ADGRL3: variants seen among roughly 807,000 people sequenced by gnomAD.
ADGRL3 encodes the protein calcium-independent alpha-latrotoxin receptor 3.
In ADGRL3, 62 loss-of-function variants were observed where a neutral mutation model predicts 153.5. The observed-to-expected ratio is 0.40, with a 90% confidence interval of 0.33 to 0.50. The LOEUF (loss-of-function observed/expected upper bound fraction) is 0.50. Ranked by LOEUF, ADGRL3 falls within the 20% of genes least tolerant of loss-of-function variation. The probability of loss-of-function intolerance (pLI) is 0.47; values close to 1 mark genes in which losing one functional copy is unlikely to be tolerated. For synonymous variants in ADGRL3, 710 were observed against 672.5 expected (o/e 1.06, Z -0.86); for missense variants, 1,641 against 1,859.4 (o/e 0.88, Z 2.16).
At chr4:61,231,556 T>C (rs1750656744) in intron 1 of ADGRL3, among the ~76,000 whole-genome samples, 1 of 152,140 alleles carries the variant, frequency 6.6e-6, no homozygotes, top group Non-Finnish European at 1.5e-5. Context: ...CCTGGCTGTT[T>C]CAAACTTTTC....
At chr4:61,324,667 C>T (rs1214265944) in intron 1 of ADGRL3, among the ~76,000 whole-genome samples, 3 of 152,092 alleles carry the variant, frequency 2.0e-5, no homozygotes, top group Non-Finnish European at 2.9e-5. Flanking sequence ...CCCTTCTGCT[C>T]AACAAGCAAA....
chr4:62,068,340 A>G (rs1744079421), intron 26 of ADGRL3, 157 bp downstream of exon 26: 1 of 469,446 alleles, frequency 2.1e-6, no homozygotes, highest in Non-Finnish European at 3.6e-6. Context: ...ATATGTTAAT[A>G]GAGATTAGAC....
chr4:61,244,641 G>C (rs1462815131), intron 1 of ADGRL3, among the ~76,000 whole-genome samples: 1 of 151,942 alleles, frequency 6.6e-6, no homozygotes, highest in Non-Finnish European at 1.5e-5. Context: ...GCTGTACCCT[G>C]AGTCAGTAAT....
chr4:61,397,277 G>C (rs1215209778), intron 2 of ADGRL3, among the ~76,000 whole-genome samples: 1 of 151,718 alleles, frequency 6.6e-6, no homozygotes, highest in Admixed American at 6.6e-5. Flanking sequence ...AATTGCAAAT[G>C]AATTTCACAA....
At chr4:61,989,876 A>G (rs2099097869) in intron 19 of ADGRL3, among the ~76,000 whole-genome samples, 1 of 152,016 alleles carries the variant, frequency 6.6e-6, no homozygotes, top group Non-Finnish European at 1.5e-5. Flanking sequence ...GATGGCTACA[A>G]TAAAAGGTAC....
chr4:61,601,166 T>C (rs1035015898), intron 5 of ADGRL3, among the ~76,000 whole-genome samples: 5 of 152,206 alleles, frequency 3.3e-5, no homozygotes, highest in Non-Finnish European at 7.3e-5. Context: ...ATTTGAGTCA[T>C]TGTGATTAAC....
chr4:61,532,086 G>A (rs1410654834), intron 4 of ADGRL3, among the ~76,000 whole-genome samples: 1 of 152,064 alleles, frequency 6.6e-6, no homozygotes, highest in Non-Finnish European at 1.5e-5. Flanking sequence ...TGATAGAATT[G>A]GTGATCTCTT....
chr4:61,884,224 C>G (rs552744323), intron 9 of ADGRL3, among the ~76,000 whole-genome samples: 1 of 152,156 alleles, frequency 6.6e-6, no homozygotes, highest in Admixed American at 6.5e-5. Context: ...AAACCTTTAT[C>G]GGTTCATCAG....
In ADGRL3 at chr4:61,501,401, A is replaced by AT. The variant is rs543217920; in HGVS notation, c.55+4060dup. Among the ~76,000 whole-genome samples the AT allele has an allele frequency of 8.5e-5, 13 of 152,110 alleles. No homozygotes were observed. The South Asian group carries it at 2.7e-3, about 32-fold the overall frequency. ...TGCTTTGGCATTTGATAAACCTTTC[A>AT]TTTTTTTCCCCTGCTCCTTTCTTAC... On this transcript the variant is annotated intron_variant, in intron 3 of 26. Coordinates refer to ENST00000683033, the MANE Select transcript of ADGRL3 (RefSeq NM_001387552.1).
At chr4:61,449,226 C>T (rs1321667135) in intron 2 of ADGRL3, among the ~76,000 whole-genome samples, 2 of 151,982 alleles carry the variant, frequency 1.3e-5, no homozygotes, top group Non-Finnish European at 2.9e-5. Context: ...ACCTCTGACT[C>T]CCTGGTTCAA....
At chr4:61,845,009 G>C (rs1010009079) in intron 9 of ADGRL3, among the ~76,000 whole-genome samples, 2 of 152,150 alleles carry the variant, frequency 1.3e-5, no homozygotes, top group African/African-American at 4.8e-5. Flanking sequence ...GAGAAAGTGG[G>C]AAAGATGGAA....
rs770475197 is a variant in ADGRL3, at chr4:61,983,499, A to G, written c.3132A>G (p.Glu1044=). ...YIMLVEVFES[E]HSRRKYFYLV... ...TGCTGGTGGAGGTTTTTGAGAGTGA[A>G]CATTCACGTAGGAAATACTTTTATC... Residue 1044 remains glutamate, a synonymous_variant, in exon 19 of 27, where the codon GAA becomes GAG. Transcript: ENST00000683033. 6.2e-7 allele frequency: 1 copy of G among 1,613,812 alleles called. No individual in the cohort carries two copies. Among genetic ancestry groups the G allele is most frequent in the South Asian group, 1.1e-5 (1 of 91,086 alleles).
At chr4:61,374,055 C>G (rs555188635) in intron 1 of ADGRL3, among the ~76,000 whole-genome samples, 1 of 152,056 alleles carries the variant, frequency 6.6e-6, no homozygotes, top group East Asian at 1.9e-4. Context: ...GCCAGTATTA[C>G]CTAACCTTAT....
At chr4:61,344,006 A>T (rs147301047) in intron 1 of ADGRL3, among the ~76,000 whole-genome samples, 1 of 152,348 alleles carries the variant, frequency 6.6e-6, no homozygotes, top group Non-Finnish European at 1.5e-5. Context: ...TAATTCAGTG[A>T]GATGGATTTA....
intron 1 of ADGRL3, among the ~76,000 whole-genome samples, chr4:61,372,538 C>T (rs1442642741): frequency 2.0e-5 from 3 of 152,194 alleles, no homozygotes; most frequent in Admixed American, 1.3e-4. Context: ...AGTTAGGCTG[C>T]TCGGGGGTCA....
intron 2 of ADGRL3, among the ~76,000 whole-genome samples, chr4:61,495,261 G>A (rs2152801297): frequency 6.6e-6 from 1 of 152,176 alleles, no homozygotes; most frequent in South Asian, 2.1e-4. Flanking sequence ...TGTAATTTTT[G>A]CCTTTTAGTA....
At chr4:61,361,023 A>T (rs1248922428) in intron 1 of ADGRL3, among the ~76,000 whole-genome samples, 1 of 152,114 alleles carries the variant, frequency 6.6e-6, no homozygotes, top group Non-Finnish European at 1.5e-5. Flanking sequence ...TATTAATCTA[A>T]TAAGTACAGT....
intron 9 of ADGRL3, among the ~76,000 whole-genome samples, chr4:61,836,247 G>A (rs1402447438): frequency 6.6e-6 from 1 of 151,990 alleles, no homozygotes; most frequent in Non-Finnish European, 1.5e-5. Context: ...TATTAAAGCT[G>A]CAACATTCTA....
intron 9 of ADGRL3, among the ~76,000 whole-genome samples, chr4:61,884,798 T>C (rs548157152): frequency 2.2e-4 from 33 of 151,496 alleles, no homozygotes; most frequent in African/African-American, 7.7e-4. Context: ...CTAATTTTTG[T>C]ATTTTTGGTA....
Sources: gnomAD v4.1 joint callset for allele counts (sites outside exome capture counted in the v4.1 genomes callset) on GRCh38, gnomAD v4.1.1 for gene constraint, MANE v1.5 for transcripts, NCBI Gene and HGNC (gene_info 2026-07-23, HGNC 2026-07-21) for gene names.